Variants in DNAH5 observed in about 807,000 individuals in gnomAD.
DNAH5 encodes dynein axonemal heavy chain 5, also known as axonemal beta dynein heavy chain 5.
A neutral mutation model predicts 518.2 loss-of-function variants in DNAH5; 372 were observed. The observed-to-expected ratio is 0.72, with a 90% CI of 0.66 to 0.78. The LOEUF (loss-of-function observed/expected upper bound fraction) is 0.78, where lower values mean the gene tolerates loss of function less well. DNAH5 is among the 30% of genes least tolerant of loss of function. The pLI, the probability that DNAH5 is intolerant of heterozygous loss-of-function variation, is 0.00. For missense variants in DNAH5, 5,523 were observed against 5,687.0 expected (o/e 0.97, Z 0.93); for synonymous variants, 2,039 against 2,025.9 (o/e 1.01, Z -0.17).
At chr5:13,925,774 C>T (rs1375309035) in intron 3 of DNAH5, among the ~76,000 whole-genome samples, 2 of 152,136 alleles carry the variant, frequency 1.3e-5, no homozygotes, top group African/African-American at 2.4e-5. Context: ...GGTGGCGACA[C>T]AGAGCCAAAC....
chr5:13,845,954 C>T (rs1248019478), intron 31 of DNAH5, among the ~76,000 whole-genome samples: 2 of 150,684 alleles, frequency 1.3e-5, no homozygotes, highest in African/African-American at 4.9e-5. Flanking sequence ...CTTCAGCCTC[C>T]GAAGTGGCTG....
Position 13,754,206 on chromosome 5 carries a change from C to A in DNAH5, c.10552G>T (p.Val3518Leu). The A allele has an allele frequency of 6.2e-7, 1 of 1,614,056 alleles. No homozygotes were observed. The highest frequency in any genetic ancestry group is 8.5e-7 in the Non-Finnish European group (1 of 1,179,946). ...ATTAATAAAGAAATTTACATACCTACAAGTCTTTTAGTTTGTGCAGCAAAC... is the reference window on the plus strand; with the variant it reads ...ATTAATAAAGAAATTTACATACCTAAAAGTCTTTTAGTTTGTGCAGCAAAC... The part of the protein sequence containing the change: ...QEFAAQTKRL[V>L]GDVLLATAFL... Residue 3518 changes from valine (V) to leucine (L), a missense_variant, in exon 62 of 79, where the codon GTA becomes TTA. By Grantham distance (32) the Val-to-Leu change is conservative. Transcript: ENST00000265104.
At chr5:13,936,667 C>T (rs1004156128) in intron 1 of DNAH5, among the ~76,000 whole-genome samples, 1 of 152,112 alleles carries the variant, frequency 6.6e-6, no homozygotes, top group Non-Finnish European at 1.5e-5. Context: ...AAACAGCACT[C>T]GAATTAAAAT....
At chr5:13,793,452 C>CA in intron 49 of DNAH5, 63 bp downstream of exon 49, 1 of 1,458,214 alleles carries the variant, frequency 6.9e-7, no homozygotes, top group Non-Finnish European at 9.6e-7. Context: ...TGAAGATTTT[C>CA]AAAAAGGAAC....
At chr5:13,731,642 T>C (rs1746571710) in intron 68 of DNAH5, among the ~76,000 whole-genome samples, 1 of 152,226 alleles carries the variant, frequency 6.6e-6, no homozygotes, top group Non-Finnish European at 1.5e-5. Flanking sequence ...TTCCCTTCTT[T>C]CCTCAAACTC....
chr5:14,005,424 T>G (rs904139358), intron 1 of DNAH5, among the ~76,000 whole-genome samples: 1 of 152,140 alleles, frequency 6.6e-6, no homozygotes, highest in African/African-American at 2.4e-5. Context: ...ATCCTCAACA[T>G]CACAGGAACA....
At chr5:13,864,371 C>A (rs1384778273) in intron 28 of DNAH5, 26 bp downstream of exon 28, 1 of 1,612,858 alleles carries the variant, frequency 6.2e-7, no homozygotes. Flanking sequence ...TGAGACCTTG[C>A]AATCTTCCAT....
intron 68 of DNAH5, among the ~76,000 whole-genome samples, chr5:13,730,682 C>T (rs965870137): frequency 6.6e-6 from 1 of 151,554 alleles, no homozygotes; most frequent in African/African-American, 2.4e-5. Context: ...GGTCTGCCCA[C>T]CTCGGCCTCC....
chr5:13,805,461 G>A lies in DNAH5; in HGVS notation c.7887+2130C>T, dbSNP rs144732844. On this transcript the variant is annotated intron_variant, in intron 47 of 78. Coordinates refer to ENST00000265104, the MANE Select transcript of DNAH5 (RefSeq NM_001369.3). The stretch of plus-strand genomic sequence containing the variant: ...TGCAGTGAGCCAAGATCACACGACT[G>A]CACTCCAGCCTGGTGACAGAGCGAG... 7.2e-3 allele frequency among the ~76,000 whole-genome samples: 1,100 copies of A among 152,230 alleles called. 11 individuals are homozygous for A. Among genetic ancestry groups the A allele is most frequent in the Middle Eastern group, 0.037 (11 of 294 alleles).
chr5:13,871,043 C>A, intron 23 of DNAH5, 41 bp from the exon 24 acceptor site: 1 of 1,477,602 alleles, frequency 6.8e-7, no homozygotes, highest in South Asian at 1.2e-5. Flanking sequence ...TTTAAAAACT[C>A]GAATCAGTAC....
intron 1 of DNAH5, among the ~76,000 whole-genome samples, chr5:13,997,412 T>C (rs905909854): frequency 1.1e-4 from 17 of 152,146 alleles, no homozygotes; most frequent in African/African-American, 4.1e-4. Context: ...TTTCCTCCAG[T>C]TTCCAATAAC....
At chr5:13,998,569 C>A (rs1270403490) in intron 1 of DNAH5, among the ~76,000 whole-genome samples, 1 of 152,212 alleles carries the variant, frequency 6.6e-6, no homozygotes, top group Non-Finnish European at 1.5e-5. Context: ...CTCTAGGCTA[C>A]CTATTCTGAG....
At chr5:13,737,679 C>T (rs1747736096) in intron 65 of DNAH5, among the ~76,000 whole-genome samples, 184 bp from the exon 66 acceptor site, 1 of 152,094 alleles carries the variant, frequency 6.6e-6, no homozygotes, top group African/African-American at 2.4e-5. Flanking sequence ...AATCCCAGCA[C>T]TTTGGGAGGC....
chr5:13,876,903 A>C, intron 21 of DNAH5, 86 bp from the exon 22 acceptor site: 2 of 1,348,358 alleles, frequency 1.5e-6, no homozygotes, highest in Non-Finnish European at 2.1e-6. Context: ...GTGATAGTAA[A>C]GCAAGGACTT....
intron 65 of DNAH5, among the ~76,000 whole-genome samples, chr5:13,743,204 A>G (rs959118600): frequency 2.0e-5 from 3 of 152,084 alleles, no homozygotes; most frequent in African/African-American, 7.2e-5. Flanking sequence ...AGGTAGGTAG[A>G]TAGAGAGATA....
At chr5:13,758,700 G>A (rs1159394826) in intron 61 of DNAH5, 146 bp downstream of exon 61, 2 of 1,172,404 alleles carry the variant, frequency 1.7e-6, no homozygotes, top group South Asian at 1.3e-5. Flanking sequence ...TGACCATCCT[G>A]TTGTCTCATC....
chr5:13,907,621 G>A lies in DNAH5; in HGVS notation c.1644+3765C>T, dbSNP rs557127841. Among the ~76,000 whole-genome samples the A allele has an allele frequency of 6.0e-4, 91 of 152,112 alleles. 1 individual carries two copies. In the Middle Eastern group the frequency reaches 0.01, roughly 17 times the overall value. On this transcript the variant is annotated intron_variant, in intron 12 of 78. Transcript: ENST00000265104. ...ATGTTTTCCAAAATGGTCTTTATGG[G>A]TTCTCCTGAGAACGTCACACATCTT...
chr5:13,894,860 C>T (rs1773712231), intron 15 of DNAH5, 39 bp from the exon 16 acceptor site: 1 of 1,598,062 alleles, frequency 6.3e-7, no homozygotes, highest in Non-Finnish European at 8.5e-7. Flanking sequence ...ATTAATATCT[C>T]ACTTCTAATG....
chr5:13,924,441 C>T (rs780460270), intron 3 of DNAH5, among the ~76,000 whole-genome samples: 18 of 151,842 alleles, frequency 1.2e-4, no homozygotes, highest in East Asian at 1.9e-4. Flanking sequence ...CTTGGGAGGC[C>T]GAGGCGGGTG....
Sources: gnomAD v4.1 joint callset for allele counts (sites outside exome capture counted in the v4.1 genomes callset) on GRCh38, gnomAD v4.1.1 for gene constraint, MANE v1.5 for transcripts, NCBI Gene and HGNC (gene_info 2026-07-23, HGNC 2026-07-21) for gene names.